The following TCOF1 variants were observed in gnomAD, a reference collection of about 807,000 sequenced individuals.
TCOF1 encodes treacle protein.
Under a neutral mutation model 149.0 loss-of-function variants are expected in TCOF1, and 33 were observed. The observed-to-expected ratio is 0.22, with a 90% confidence interval of 0.17 to 0.30. The LOEUF (loss-of-function observed/expected upper bound fraction) is 0.30, where lower values mean the gene tolerates loss of function less well. Among genes scored for constraint, TCOF1 ranks in the 10% least tolerant of loss-of-function variants. The pLI, the probability that TCOF1 is intolerant of heterozygous loss-of-function variation, is 1.00. For missense variants in TCOF1, 1,728 were observed against 1,840.7 expected (o/e 0.94, Z 1.12); for synonymous variants, 789 against 738.8 (o/e 1.07, Z -1.10).
chr5:150,381,776 A>T (rs1005273252), intron 17 of TCOF1, among the ~76,000 whole-genome samples: 3 of 152,260 alleles, frequency 2.0e-5, no homozygotes. Flanking sequence ...CTTAAAGTGC[A>T]CAAAGTCCCA....
chr5:150,376,989 G>C (rs1763958592), intron 14 of TCOF1, among the ~76,000 whole-genome samples: 1 of 152,146 alleles, frequency 6.6e-6, no homozygotes, highest in Non-Finnish European at 1.5e-5. Flanking sequence ...GGTTGAGATA[G>C]AGGGTGTGAG....
intron 7 of TCOF1, among the ~76,000 whole-genome samples, chr5:150,373,606 G>T (rs1763026227): frequency 6.6e-6 from 1 of 152,178 alleles, no homozygotes; most frequent in South Asian, 2.1e-4. Context: ...AGGGGGCCAG[G>T]TGTGCAAACC....
At chr5:150,398,308 T>G (rs1414065481) in intron 24 of TCOF1, 46 bp from the exon 25 acceptor site, 4 of 1,611,166 alleles carry the variant, frequency 2.5e-6, no homozygotes, top group South Asian at 1.1e-5. Flanking sequence ...CCCCAGCACT[T>G]AGGATTACCA....
At chr5:150,379,167 G>T (rs1420417118) in intron 15 of TCOF1, 62 bp from the exon 16 acceptor site, 12 of 1,613,940 alleles carry the variant, frequency 7.4e-6, no homozygotes, top group African/African-American at 1.3e-5. Flanking sequence ...GTGCCATAGT[G>T]GGGAGTGGGA....
intron 1 of TCOF1, 141 bp downstream of exon 1, chr5:150,357,995 C>A: frequency 1.3e-6 from 1 of 750,734 alleles, no homozygotes; most frequent in South Asian, 1.9e-5. Context: ...CCAGGGGTAC[C>A]GGAGGAGCCG....
intron 7 of TCOF1, 79 bp from the exon 8 acceptor site, chr5:150,374,095 G>C: frequency 6.8e-7 from 1 of 1,473,502 alleles, no homozygotes. Flanking sequence ...CCTCATTAAG[G>C]CCTCTGGACT....
chr5:150,391,522 G>T (rs1186793486), intron 19 of TCOF1, 22 bp from the exon 20 acceptor site: 3 of 1,601,834 alleles, frequency 1.9e-6, no homozygotes, highest in Non-Finnish European at 2.6e-6. Flanking sequence ...TGAGTCTGAG[G>T]GCTACCTCTT....
chr5:150,379,995 C>G (rs1443575885), intron 17 of TCOF1: 1 of 435,402 alleles, frequency 2.3e-6, no homozygotes, highest in South Asian at 2.0e-5. Flanking sequence ...TCCCTAGAAC[C>G]TGGGAGGCGG....
Position 150,374,476 on chromosome 5 carries a change from C to T in TCOF1, c.1083+90C>T, listed in dbSNP as rs1763255220. On this transcript the variant is annotated intron_variant, in intron 8 of 26. Coordinates refer to ENST00000643257, the MANE Select transcript of TCOF1 (RefSeq NM_001371623.1). The stretch of plus-strand genomic sequence containing the variant: ...GTTCTCCCACTCTGGGCCAGAGCCC[C>T]GGGCGTGCCTCAGACCCCAGCCCCT... 2.3e-5 allele frequency: 36 copies of T among 1,548,500 alleles called. No homozygotes were observed. In the South Asian group the frequency reaches 2.5e-4, roughly 11 times the overall value.
Position 150,376,476 on chromosome 5 carries a change from G to A in TCOF1, c.2196G>A (p.Lys732=), listed in dbSNP as rs1763831838. The change falls in exon 14 of 27, where the codon AAG becomes AAA. Residue 732 remains lysine (K), a synonymous_variant. Transcript: ENST00000643257. ...TGAAAGCAGCCTCAGTGCCTGTCAA[G>A]GGGTCCTTGGGGCAAGGGACTGCTC... The part of the protein sequence containing the change: ...LQVKAASVPV[K]GSLGQGTAPV... 3.1e-6 allele frequency: 5 copies of A among 1,614,184 alleles called. No homozygotes were observed. The highest frequency in any genetic ancestry group is 2.2e-5 in the East Asian group (1 of 44,880).
intron 7 of TCOF1, among the ~76,000 whole-genome samples, chr5:150,373,018 C>T (rs1762883000): frequency 6.6e-6 from 1 of 152,186 alleles, no homozygotes; most frequent in African/African-American, 2.4e-5. Context: ...CCTCGGCTGT[C>T]TATTTTGCAG....
intron 14 of TCOF1, among the ~76,000 whole-genome samples, chr5:150,377,654 A>C (rs1764126509): frequency 6.6e-6 from 1 of 151,636 alleles, no homozygotes; most frequent in Non-Finnish European, 1.5e-5. Flanking sequence ...GAATTCCTCC[A>C]TTGAGGTTTT....
rs745370119 is a variant in TCOF1 at position 150,379,239 on chromosome 5, C to G, written c.2489C>G (p.Pro830Arg). 21 of 1,614,092 alleles carry G rather than the reference C, an allele frequency of 1.3e-5. No individual in the cohort carries two copies. The Admixed American group carries it at 2.7e-4, about 20-fold the overall frequency. Residue 830 changes from proline (P) to arginine (R), a missense_variant, in exon 16 of 27, where the codon CCA (proline) becomes CGA (arginine). Coordinates refer to ENST00000643257, the MANE Select transcript of TCOF1 (RefSeq NM_001371623.1). ...CCCCCTGCAATTCAGGTGAAGCCAC[C>G]AGTGAGAAACCCCCAGAACAGTACC... ...KQRSPSKVKP[P>R]VRNPQNSTVL...
At chr5:150,366,572 AAG>A (rs957002045) in intron 3 of TCOF1, among the ~76,000 whole-genome samples, 3 of 152,148 alleles carry the variant, frequency 2.0e-5, no homozygotes, top group African/African-American at 7.2e-5. Flanking sequence ...TAATTACAGA[AAG>A]AGAGAGATGG....
chr5:150,392,802 G>T lies in TCOF1; in HGVS notation c.3603+12G>T, dbSNP rs202050560. 1.7e-5 allele frequency: 28 copies of T among 1,613,422 alleles called. No individual in the cohort carries two copies. The highest frequency in any genetic ancestry group is 2.2e-5 in the Non-Finnish European group (26 of 1,179,738). On this transcript the variant is annotated intron_variant, in intron 22 of 26. Transcript: ENST00000643257. ...TGGCGCCATCCCAGGTAACTGCAAG[G>T]GAGAGGACTGGCAGCCCATAGGCCT... is the stretch of plus-strand genomic sequence containing the variant.
intron 23 of TCOF1, 25 bp downstream of exon 23, chr5:150,393,577 C>T: frequency 6.2e-7 from 1 of 1,614,040 alleles, no homozygotes; most frequent in Non-Finnish European, 8.5e-7. Context: ...GCAGGAGGGA[C>T]ATAGCAGGAC....
chr5:150,368,498 A>G (rs1374845657), intron 4 of TCOF1: 4 of 587,462 alleles, frequency 6.8e-6, no homozygotes, highest in South Asian at 2.0e-5. Flanking sequence ...GTAAATAACT[A>G]CCATGTCCCA....
intron 14 of TCOF1, among the ~76,000 whole-genome samples, chr5:150,378,146 GT>G (rs1764239008): frequency 6.6e-6 from 1 of 152,170 alleles, no homozygotes; most frequent in Admixed American, 6.5e-5. Context: ...GACCTCATGT[GT>G]TTGAGGAATG....
chr5:150,368,795 C>G lies in TCOF1; in HGVS notation c.458C>G (p.Ser153Cys), dbSNP rs1390168499. The G allele has an allele frequency of 6.2e-7, 1 of 1,614,092 alleles. No individual in the cohort carries two copies. The highest frequency in any genetic ancestry group is 1.1e-5 in the South Asian group (1 of 91,084). ...ATGKTVANLL[S>C]GKSPRKSAEP... ...GGGAAGACGGTGGCCAACCTTCTTT[C>G]TGGGAAGTCTCCCAGGAAGTCAGCA... is the stretch of plus-strand genomic sequence containing the variant. Residue 153 changes from serine to cysteine, a missense_variant, in exon 5 of 27, where the codon TCT becomes TGT. Ser to Cys is a moderately radical substitution (Grantham distance 112, BLOSUM62 -1). Coordinates refer to ENST00000643257, the MANE Select transcript of TCOF1 (RefSeq NM_001371623.1).
Sources: gnomAD v4.1 joint callset for allele counts (sites outside exome capture counted in the v4.1 genomes callset) on GRCh38, gnomAD v4.1.1 for gene constraint, MANE v1.5 for transcripts, NCBI Gene and HGNC (gene_info 2026-07-23, HGNC 2026-07-21) for gene names.